BPHL: variants seen among roughly 807,000 people sequenced by gnomAD.
BPHL encodes serine hydrolase BPHL.
A neutral mutation model predicts 31.2 loss-of-function variants in BPHL; 27 were observed. The observed-to-expected ratio is 0.87, with a 90% CI of 0.64 to 1.19. The LOEUF is 1.19. Ranked by LOEUF, BPHL falls within the 50% of genes most tolerant of loss-of-function variation. The pLI, the probability that BPHL is intolerant of heterozygous loss-of-function variation, is 0.00. For synonymous variants in BPHL, 150 were observed against 146.8 expected (o/e 1.02, Z -0.16); for missense variants, 356 against 375.7 (o/e 0.95, Z 0.43).
At position 3,145,521 on chromosome 6, in the gene BPHL, C is replaced by CGGGGTGG. The variant is rs70998377; in HGVS notation, c.788+5012_788+5013insGGGGTGG. Among the ~76,000 whole-genome samples the CGGGGTGG allele has an allele frequency of 4.3e-4, 25 of 58,390 alleles. 5 individuals carry two copies. The highest frequency in any genetic ancestry group is 9.2e-4 in the African/African-American group (15 of 16,360). 38.3% of individuals were successfully genotyped at this position (58,390 alleles called of 152,430 possible). On this transcript the variant is annotated intron_variant, in intron 6 of 6. Coordinates refer to ENST00000380379, the MANE Select transcript of BPHL (RefSeq NM_004332.4). ...GCTGGTTCGGGGTGGAGTGCTGGTT[C>CGGGGTGG]AGGGTGGAGTGCTGGTTCCGGTTGG...
intron 6 of BPHL, among the ~76,000 whole-genome samples, chr6:3,151,496 C>T (rs1762522736): frequency 6.6e-6 from 1 of 152,152 alleles, no homozygotes; most frequent in South Asian, 2.1e-4. Flanking sequence ...AGAGGCCCAG[C>T]ATCTTCCAAG....
Position 3,152,571 on chromosome 6 carries a change from A to C in BPHL, c.872A>C (p.Gln291Pro). 1.2e-6 allele frequency: 2 copies of C among 1,612,872 alleles called. No individual in the cohort carries two copies. Among genetic ancestry groups the C allele is most frequent in the Non-Finnish European group, 1.7e-6 (2 of 1,179,396 alleles). ...EFNKLAEDFLQ is the reference protein window; with the variant it reads ...EFNKLAEDFLP ...AACAAGTTAGCAGAAGACTTCCTACAATGAGAATGCACACTCCAGTCTTGG... is the reference window on the plus strand; with the variant it reads ...AACAAGTTAGCAGAAGACTTCCTACCATGAGAATGCACACTCCAGTCTTGG... The change falls in exon 7 of 7, where the codon CAA (glutamine) becomes CCA (proline). Residue 291 changes from glutamine (Q) to proline (P), a missense_variant. Physicochemically the swap from Gln to Pro is moderately conservative, Grantham distance 76. Transcript: ENST00000380379.
intron 6 of BPHL, among the ~76,000 whole-genome samples, chr6:3,143,630 C>T (rs1762237083): frequency 6.6e-6 from 1 of 152,216 alleles, no homozygotes; most frequent in African/African-American, 2.4e-5. Flanking sequence ...TTTCTGCCTC[C>T]CGTGTCCACA....
chr6:3,121,066 CAATA>C (rs1265949635), intron 1 of BPHL, among the ~76,000 whole-genome samples: 1 of 152,086 alleles, frequency 6.6e-6, no homozygotes, highest in East Asian at 1.9e-4. Context: ...GGATTTGAAA[CAATA>C]AATGTAAAAG....
intron 6 of BPHL, among the ~76,000 whole-genome samples, chr6:3,141,305 G>A (rs1454634535): frequency 6.6e-6 from 1 of 152,188 alleles, no homozygotes; most frequent in Non-Finnish European, 1.5e-5. Context: ...CATAGAGTCA[G>A]TGAAGAGCAA....
In BPHL at chr6:3,129,024, C is replaced by T. The variant is rs761657713; in HGVS notation, c.379-21C>T. ...GAGAGGAGCAATAACCCGTGCCGTG[C>T]ATTTTGTCGTATGATCATAGGCGCT... On this transcript the variant is annotated intron_variant, in intron 3 of 6. Transcript: ENST00000380379. 3.7e-6 allele frequency: 6 copies of T among 1,614,112 alleles called. No homozygotes were observed. The Admixed American group carries it at 8.3e-5, about 22-fold the overall frequency.
intron 6 of BPHL, among the ~76,000 whole-genome samples, chr6:3,141,611 C>T (rs549682345): frequency 1.3e-5 from 2 of 152,334 alleles, no homozygotes; most frequent in African/African-American, 4.8e-5. Flanking sequence ...CGTGATCCGC[C>T]TGCCTTGGCC....
At chr6:3,142,494 T>C (rs1000464808) in intron 6 of BPHL, among the ~76,000 whole-genome samples, 3 of 152,224 alleles carry the variant, frequency 2.0e-5, no homozygotes, top group Admixed American at 1.3e-4. Context: ...GATATCTCCA[T>C]ATAGCACTTA....
At chr6:3,144,719 A>G (rs901357409) in intron 6 of BPHL, among the ~76,000 whole-genome samples, 1 of 152,196 alleles carries the variant, frequency 6.6e-6, no homozygotes, top group African/African-American at 2.4e-5. Flanking sequence ...AACAGCTGCT[A>G]ACGTGAATGC....
At position 3,153,274 on chromosome 6, in the gene BPHL, C is replaced by T. The variant is rs1477852031; in HGVS notation, c.*699C>T. On this transcript the variant is annotated 3_prime_UTR_variant, in exon 7 of 7. Coordinates refer to ENST00000380379, the MANE Select transcript of BPHL (RefSeq NM_004332.4). ...CCTTTTATCTGAGAGGTTCAAGCTT[C>T]ACTTGTGTTTTTATTTGTGTTTATC... 1 of 158,838 alleles carries T rather than the reference C, an allele frequency of 6.3e-6. No homozygotes were observed. The highest frequency in any genetic ancestry group is 1.4e-5 in the Non-Finnish European group (1 of 71,670). The allele number at this position is 158,838 out of a possible 1,614,324, so 9.8% of individuals were successfully genotyped here.
chr6:3,132,397 C>T (rs1333621264), intron 4 of BPHL, among the ~76,000 whole-genome samples: 1 of 152,216 alleles, frequency 6.6e-6, no homozygotes, highest in African/African-American at 2.4e-5. Context: ...ATGTGGGCCA[C>T]AGTGTTGGGG....
At chr6:3,146,397 C>T (rs1030021496) in intron 6 of BPHL, among the ~76,000 whole-genome samples, 3 of 107,824 alleles carry the variant, frequency 2.8e-5, no homozygotes, top group South Asian at 6.7e-4. Context: ...TGATTTGGGT[C>T]GGAGTGCTGG....
chr6:3,152,697 C>A lies in BPHL; in HGVS notation c.*122C>A. Reference sequence around the variant, plus strand: ...TTTCTACCCCTCCCTTCAATCTTATCCTAACCAAATGAGAATAATGACATA... The same window carrying A: ...TTTCTACCCCTCCCTTCAATCTTATACTAACCAAATGAGAATAATGACATA... On this transcript the variant is annotated 3_prime_UTR_variant, in exon 7 of 7. Coordinates refer to ENST00000380379, the MANE Select transcript of BPHL (RefSeq NM_004332.4). 1.2e-6 allele frequency: 1 copy of A among 833,488 alleles called. No homozygotes were observed. Among genetic ancestry groups the A allele is most frequent in the Non-Finnish European group, 1.9e-6 (1 of 534,136 alleles). 51.6% of individuals were successfully genotyped at this position (833,488 alleles called of 1,614,324 possible). A position where few individuals can be genotyped will look rare whatever the true frequency, so the allele number is the denominator to read the frequency against.
chr6:3,141,631 G>A (rs1490700058), intron 6 of BPHL, among the ~76,000 whole-genome samples: 5 of 152,176 alleles, frequency 3.3e-5, no homozygotes, highest in Non-Finnish European at 7.4e-5. Flanking sequence ...CTCCCAAAGT[G>A]CTGGGATTAC....
intron 6 of BPHL, among the ~76,000 whole-genome samples, chr6:3,144,394 T>TTTTG (rs1561799130): frequency 1.5e-5 from 2 of 135,100 alleles, no homozygotes; most frequent in African/African-American, 2.7e-5. Flanking sequence ...TTTTTTTGTT[T>TTTTG]TTTTTTTTAA....
In BPHL at chr6:3,119,339, C is replaced by T. The variant is rs775365954; in HGVS notation, c.107+492C>T. ...GCTTTAATCACGGGTCCCGAGAGCC[C>T]TAAGTCTTCTCTTTGCTTGCTGATC... On this transcript the variant is annotated intron_variant, in intron 1 of 6. Transcript: ENST00000380379. The T allele has an allele frequency of 5.1e-6, 8 of 1,556,356 alleles. No homozygotes were observed. In the Admixed American group the frequency reaches 1.2e-4, roughly 23 times the overall value.
At chr6:3,132,790 C>G (rs2113757825) in intron 4 of BPHL, among the ~76,000 whole-genome samples, 1 of 152,290 alleles carries the variant, frequency 6.6e-6, no homozygotes, top group Admixed American at 6.5e-5. Context: ...GTGATTACAC[C>G]ACTGCACTGT....
intron 5 of BPHL, chr6:3,138,298 C>G (rs763994832): frequency 4.5e-5 from 9 of 200,304 alleles, no homozygotes; most frequent in East Asian, 1.6e-4. Flanking sequence ...GATTACAGGC[C>G]TGAGACACCA....
chr6:3,138,603 T>C (rs1762078630), intron 5 of BPHL: 1 of 152,590 alleles, frequency 6.6e-6, no homozygotes, highest in African/African-American at 2.4e-5. Context: ...AATGTTACTC[T>C]TCTGGTTTGA....
Sources: allele counts gnomAD v4.1 joint callset (sites outside exome capture counted in the v4.1 genomes callset), GRCh38; gene constraint gnomAD v4.1.1; transcripts MANE v1.5; gene names NCBI Gene and HGNC (gene_info 2026-07-23, HGNC 2026-07-21).